SEMA5A: variants seen among roughly 807,000 people sequenced by gnomAD.
SEMA5A encodes the protein semaphorin 5A.
A neutral mutation model predicts 135.5 loss-of-function variants in SEMA5A; 55 were observed. The ratio of observed to expected loss-of-function variants is 0.41; its 90% CI spans 0.33 to 0.51. The LOEUF is 0.51. Among genes scored for constraint, SEMA5A ranks in the 20% least tolerant of loss-of-function variants. The pLI, the probability that SEMA5A is intolerant of heterozygous loss-of-function variation, is 0.37. For missense variants in SEMA5A, 1,290 were observed against 1,419.9 expected, an observed-to-expected ratio of 0.91 and a Z score of 1.47; for synonymous variants, 580 against 546.5, an observed-to-expected ratio of 1.06 and a Z score of -0.85.
At chr5:9,299,407 T>C (rs1248597359) in intron 5 of SEMA5A, among the ~76,000 whole-genome samples, 2 of 152,146 alleles carry the variant, frequency 1.3e-5, no homozygotes, top group African/African-American at 2.4e-5. Flanking sequence ...TTGAATTCAG[T>C]TGGAGGAAAT....
rs1745904818 is a variant in SEMA5A at position 9,204,552 on chromosome 5, T to C, written c.647-2312A>G. Among the ~76,000 whole-genome samples the C allele has an allele frequency of 6.6e-6, 1 of 152,254 alleles. No individual in the cohort carries two copies. The highest frequency in any genetic ancestry group is 2.4e-5 in the African/African-American group (1 of 41,466). Reference sequence around the variant, plus strand: ...GTCTTGTGCCAAGATCTGTGCTTGGTGCTTTATATCCCCATTGAACTCACA... The same window carrying C: ...GTCTTGTGCCAAGATCTGTGCTTGGCGCTTTATATCCCCATTGAACTCACA... On this transcript the variant is annotated intron_variant, in intron 8 of 22. Coordinates refer to ENST00000382496, the MANE Select transcript of SEMA5A (RefSeq NM_003966.3). The surrounding 1 kb of genome is among the most constrained non-coding windows in gnomAD (Gnocchi z 6.4).
intron 8 of SEMA5A, among the ~76,000 whole-genome samples, chr5:9,205,238 AG>A (rs1300442829): frequency 6.6e-6 from 1 of 152,154 alleles, no homozygotes; most frequent in Admixed American, 6.5e-5. Flanking sequence ...GAACAGTCTA[AG>A]GGGGGTTTCA....
rs185501975 is a variant in SEMA5A at position 9,454,455 on chromosome 5, G to A, written c.-174-16603C>T. 2.4e-4 allele frequency among the ~76,000 whole-genome samples: 36 copies of A among 152,194 alleles called. No individual in the cohort carries two copies. In the East Asian group the frequency reaches 3.9e-3, roughly 16 times the overall value. ...CACAAGTTGTCCCTTTGATATATTC[G>A]CATCTGTTCTGTGTTGAATTGAAAA... On this transcript the variant is annotated intron_variant, in intron 1 of 22. Coordinates refer to ENST00000382496, the MANE Select transcript of SEMA5A (RefSeq NM_003966.3).
intron 1 of SEMA5A, among the ~76,000 whole-genome samples, chr5:9,503,617 T>C (rs940313276): frequency 3.9e-5 from 6 of 152,206 alleles, no homozygotes; most frequent in Admixed American, 6.5e-5. Flanking sequence ...TAAAGTTGCA[T>C]TTAAAATTTT....
intron 5 of SEMA5A, among the ~76,000 whole-genome samples, chr5:9,299,545 G>A (rs1751504404): frequency 1.3e-5 from 2 of 152,144 alleles, no homozygotes; most frequent in African/African-American, 2.4e-5. Context: ...GCTGACCAGT[G>A]GAGTGGGAGA....
chr5:9,096,392 C>CCATATTTAATAATAAGGTCT (rs1739314581), intron 16 of SEMA5A, among the ~76,000 whole-genome samples: 1 of 152,170 alleles, frequency 6.6e-6, no homozygotes, highest in African/African-American at 2.4e-5. Flanking sequence ...TTTTCTCTCT[C>CCATATTTAATAATAAGGTCT]CATATATGAG....
intron 4 of SEMA5A, among the ~76,000 whole-genome samples, chr5:9,330,460 T>C (rs1345242868): frequency 6.6e-6 from 1 of 152,076 alleles, no homozygotes; most frequent in Non-Finnish European, 1.5e-5. Flanking sequence ...TTTGTTTTTT[T>C]ACAATAGCAG....
intron 3 of SEMA5A, among the ~76,000 whole-genome samples, chr5:9,353,162 G>GA (rs368864006): frequency 0.028 from 646 of 23,428 alleles, 26 homozygotes; most frequent in Non-Finnish European, 0.033. Flanking sequence ...GAAAGGAAAG[G>GA]AGGGAAAGGA....
At chr5:9,157,666 T>C (rs1743030394) in intron 11 of SEMA5A, among the ~76,000 whole-genome samples, 1 of 152,112 alleles carries the variant, frequency 6.6e-6, no homozygotes, top group Non-Finnish European at 1.5e-5. Context: ...GCCTCCATCC[T>C]TGCCTGTGCC....
chr5:9,307,617 T>C (rs549793158), intron 5 of SEMA5A, among the ~76,000 whole-genome samples: 1 of 152,266 alleles, frequency 6.6e-6, no homozygotes, highest in Non-Finnish European at 1.5e-5. Flanking sequence ...TTTGGAGCAA[T>C]GAGTTTTCCT....
intron 2 of SEMA5A, among the ~76,000 whole-genome samples, chr5:9,408,111 TCAC>T (rs1331026715): frequency 6.6e-6 from 1 of 150,896 alleles, no homozygotes; most frequent in African/African-American, 2.4e-5. Context: ...AACACTACCA[TCAC>T]CACCACCATT....
chr5:9,424,227 G>GT (rs1757567268), intron 2 of SEMA5A, among the ~76,000 whole-genome samples: 1 of 152,188 alleles, frequency 6.6e-6, no homozygotes, highest in East Asian at 1.9e-4. Flanking sequence ...ATATTTCATT[G>GT]TAAGAGTCTG....
chr5:9,045,341 T>C (rs1736191173), intron 21 of SEMA5A, among the ~76,000 whole-genome samples: 1 of 152,240 alleles, frequency 6.6e-6, no homozygotes, highest in African/African-American at 2.4e-5. Flanking sequence ...ACTTTTCTAA[T>C]CTACTGCTCG....
At chr5:9,362,969 A>C (rs1754762128) in intron 3 of SEMA5A, among the ~76,000 whole-genome samples, 1 of 152,178 alleles carries the variant, frequency 6.6e-6, no homozygotes, top group African/African-American at 2.4e-5. Flanking sequence ...CGACTGCCTC[A>C]CCTCAGCATA....
chr5:9,417,570 C>G (rs1757323501), intron 2 of SEMA5A, among the ~76,000 whole-genome samples: 1 of 152,216 alleles, frequency 6.6e-6, no homozygotes, highest in Non-Finnish European at 1.5e-5. Flanking sequence ...CTCAAAGTTA[C>G]AAGGAACAAG....
intron 5 of SEMA5A, among the ~76,000 whole-genome samples, chr5:9,295,981 T>C (rs1751315682): frequency 6.6e-6 from 1 of 152,184 alleles, no homozygotes; most frequent in Non-Finnish European, 1.5e-5. Context: ...AAAGACACTT[T>C]GTCTCCATAT....
intron 3 of SEMA5A, among the ~76,000 whole-genome samples, chr5:9,349,925 AC>A (rs751260212): frequency 8.8e-4 from 133 of 151,388 alleles, no homozygotes; most frequent in African/African-American, 2.7e-3. Context: ...AAACAAACAA[AC>A]AAAAAAAAAA....
rs76445006 is a variant in SEMA5A at position 9,256,290 on chromosome 5, G to A, written c.271-18400C>T. ...GGTTCACAAAGCTTGAGGTGTTTCT[G>A]CCTCCAATTCTCTGACCCCGTGTGT... On this transcript the variant is annotated intron_variant, in intron 5 of 22. Transcript: ENST00000382496. 9.7e-3 allele frequency among the ~76,000 whole-genome samples: 1,484 copies of A among 152,212 alleles called. 26 individuals are homozygous for A. The highest frequency in any genetic ancestry group is 0.034 in the African/African-American group (1,432 of 41,540).
In SEMA5A at chr5:9,044,479, G is replaced by T; in HGVS notation, c.2999C>A (p.Ser1000Tyr). The change falls in exon 22 of 23, where the codon TCC becomes TAC. Residue 1000 changes from serine (S) to tyrosine (Y), a missense_variant. Coordinates refer to ENST00000382496, the MANE Select transcript of SEMA5A (RefSeq NM_003966.3). ...YTYCQRYQQQ[S>Y]HDATVIHPVS... ...GGGGTGGATGACAGTCGCATCGTGG[G>T]ATTGCTGCTGGTACCGCTGGCAGTA... is the stretch of plus-strand genomic sequence containing the variant. 1 of 1,614,002 alleles carries T rather than the reference G, an allele frequency of 6.2e-7. No individual in the cohort carries two copies. The highest frequency in any genetic ancestry group is 8.5e-7 in the Non-Finnish European group (1 of 1,179,994).
Sources: allele counts gnomAD v4.1 joint callset (sites outside exome capture counted in the v4.1 genomes callset), GRCh38; gene constraint gnomAD v4.1.1; non-coding constraint Gnocchi (gnomAD v3.1); transcripts MANE v1.5; gene names NCBI Gene and HGNC (gene_info 2026-07-23, HGNC 2026-07-21).